Variants in ASIC2 observed in about 807,000 individuals in gnomAD.
ASIC2 encodes the protein acid-sensing ion channel 2.
In ASIC2, 25 loss-of-function variants were observed where a neutral mutation model predicts 57.3. The ratio of observed to expected loss-of-function variants is 0.44; its 90% confidence interval spans 0.32 to 0.61. The LOEUF (loss-of-function observed/expected upper bound fraction) is 0.61, where lower values mean the gene tolerates loss of function less well. Ranked by LOEUF, ASIC2 falls within the 20% of genes least tolerant of loss-of-function variation. The probability of loss-of-function intolerance (pLI) is 0.06; values close to 1 mark genes in which losing one functional copy is unlikely to be tolerated. For synonymous variants in ASIC2, 319 were observed against 307.5 expected (o/e 1.04, Z -0.39); for missense variants, 641 against 738.1 (o/e 0.87, Z 1.52).
chr17:33,560,404 A>C (rs1916037576), intron 1 of ASIC2, among the ~76,000 whole-genome samples: 1 of 152,248 alleles, frequency 6.6e-6, no homozygotes, highest in Non-Finnish European at 1.5e-5. Context: ...GGGAGGCCCC[A>C]AAGGACTTAT....
chr17:33,850,015 G>T lies in ASIC2; in HGVS notation c.555+305963C>A, dbSNP rs78092660. Among the ~76,000 whole-genome samples the T allele has an allele frequency of 4.6e-5, 7 of 152,178 alleles. No individual in the cohort carries two copies. In the South Asian group the frequency reaches 6.2e-4, roughly 14 times the overall value. Reference sequence around the variant, plus strand: ...ATTTTTTGAATTCTGCTATGTTAAAGGTATGTTGTTTCTTAAGAGGGGGAA... The same window carrying T: ...ATTTTTTGAATTCTGCTATGTTAAATGTATGTTGTTTCTTAAGAGGGGGAA... On this transcript the variant is annotated intron_variant, in intron 1 of 9. Transcript: ENST00000359872.
chr17:33,017,571 C>T (rs748608434), intron 8 of ASIC2, 34 bp downstream of exon 8: 29 of 1,572,570 alleles, frequency 1.8e-5, no homozygotes, highest in African/African-American at 2.7e-5. Flanking sequence ...CACCAGCATG[C>T]GGTCATTTCC....
intron 1 of ASIC2, among the ~76,000 whole-genome samples, chr17:33,543,302 C>CAAAAACAA (rs1555542492): frequency 2.4e-5 from 3 of 127,410 alleles, no homozygotes; most frequent in African/African-American, 8.4e-5. Context: ...AAAACAAAAA[C>CAAAAACAA]AAAAAAAACA....
rs1904654777 is a variant in ASIC2, at chr17:33,586,844, CTTT to C, written c.556-474780_556-474778del. Reference sequence around the variant, plus strand: ...ATTTACCACGATCTGCAATTATCTTCTTTATTTTCTCATTTGTTCATTATACAC... The same window carrying C: ...ATTTACCACGATCTGCAATTATCTTCATTTTCTCATTTGTTCATTATACAC... On this transcript the variant is annotated intron_variant, in intron 1 of 9. Transcript: ENST00000359872. Among the ~76,000 whole-genome samples, 4 of 152,284 alleles carry C rather than the reference CTTT, an allele frequency of 2.6e-5. No homozygotes were observed. The South Asian group carries it at 8.3e-4, about 32-fold the overall frequency.
intron 1 of ASIC2, among the ~76,000 whole-genome samples, chr17:33,446,550 T>G (rs2347155): frequency 0.35 from 52,951 of 151,946 alleles, 9,298 homozygotes; most frequent in Middle Eastern, 0.43. Context: ...CTCAGTGCGA[T>G]AGGTTTCAAT....
chr17:33,434,421 C>G (rs9894658), intron 1 of ASIC2, among the ~76,000 whole-genome samples: 52,994 of 151,898 alleles, frequency 0.35, 9,316 homozygotes, highest in Middle Eastern at 0.44. Flanking sequence ...GGTAAAATTA[C>G]TGCACTTTAA....
At chr17:33,668,136 C>G (rs1437150165) in intron 1 of ASIC2, among the ~76,000 whole-genome samples, 1 of 152,164 alleles carries the variant, frequency 6.6e-6, no homozygotes, top group East Asian at 1.9e-4. Flanking sequence ...CCTGTGCCTG[C>G]CCACATACCT....
intron 3 of ASIC2, among the ~76,000 whole-genome samples, chr17:33,072,157 C>T (rs1179655353): frequency 1.2e-4 from 19 of 152,146 alleles, no homozygotes. Flanking sequence ...CTGGGCTCAA[C>T]CTGGGTCCCC....
chr17:33,455,268 T>C (rs1328453535), intron 1 of ASIC2, among the ~76,000 whole-genome samples: 3 of 152,216 alleles, frequency 2.0e-5, no homozygotes, highest in Non-Finnish European at 4.4e-5. Context: ...ATGCTGAAAT[T>C]TGGGGTGTGA....
At chr17:33,316,596 G>A (rs1431743755) in intron 1 of ASIC2, among the ~76,000 whole-genome samples, 1 of 152,146 alleles carries the variant, frequency 6.6e-6, no homozygotes, top group Non-Finnish European at 1.5e-5. Context: ...CCATCTTCAT[G>A]TTTTAAGAAA....
chr17:34,005,041 A>C (rs944741227), intron 1 of ASIC2: 14 of 152,176 alleles, frequency 9.2e-5, no homozygotes, highest in African/African-American at 2.7e-4. Flanking sequence ...GCTATGCATT[A>C]GGTGCTCAGC....
chr17:33,137,065 A>G (rs1053541686), intron 1 of ASIC2, among the ~76,000 whole-genome samples: 6 of 152,158 alleles, frequency 3.9e-5, no homozygotes, highest in African/African-American at 1.4e-4. Context: ...CGTAGCTAAC[A>G]TTTCTAACAG....
chr17:33,562,932 T>G (rs1395491576), intron 1 of ASIC2, among the ~76,000 whole-genome samples: 1 of 152,164 alleles, frequency 6.6e-6, no homozygotes, highest in African/African-American at 2.4e-5. Flanking sequence ...CCTTAGTATT[T>G]AGGCAACTTC....
At chr17:33,970,695 G>A (rs1381171273) in intron 1 of ASIC2, among the ~76,000 whole-genome samples, 1 of 152,210 alleles carries the variant, frequency 6.6e-6, no homozygotes, top group Non-Finnish European at 1.5e-5. Flanking sequence ...AGAGTTGTAA[G>A]CACTCATTGA....
chr17:33,528,369 C>T (rs1455906117), intron 1 of ASIC2, among the ~76,000 whole-genome samples: 1 of 152,152 alleles, frequency 6.6e-6, no homozygotes, highest in Admixed American at 6.5e-5. Flanking sequence ...CCAGCCAGAG[C>T]ACCAACAACC....
intron 1 of ASIC2, among the ~76,000 whole-genome samples, chr17:33,449,171 A>T (rs1188890196): frequency 6.6e-6 from 1 of 152,198 alleles, no homozygotes; most frequent in Non-Finnish European, 1.5e-5. Context: ...TAACAGGGAA[A>T]CTATCACTGT....
In ASIC2 at chr17:33,132,539, A is replaced by T. The variant is rs151117460; in HGVS notation, c.709-20472T>A. ...TAGGCATTCAGGGCATTTTATGTGAACCAAGCACAGAGCACACACACACAG... is the reference window on the plus strand; with the variant it reads ...TAGGCATTCAGGGCATTTTATGTGATCCAAGCACAGAGCACACACACACAG... On this transcript the variant is annotated intron_variant, in intron 1 of 9. Coordinates refer to ENST00000225823, the MANE Select transcript of ASIC2 (RefSeq NM_183377.2). Among the ~76,000 whole-genome samples, 404 of 152,278 alleles carry T rather than the reference A, an allele frequency of 2.7e-3. 1 individual carries two copies. The highest frequency in any genetic ancestry group is 9.3e-3 in the African/African-American group (387 of 41,544).
At chr17:33,064,020 T>C (rs2092031641) in intron 3 of ASIC2, among the ~76,000 whole-genome samples, 1 of 152,240 alleles carries the variant, frequency 6.6e-6, no homozygotes, top group African/African-American at 2.4e-5. Flanking sequence ...TCAGGTCCTT[T>C]AAGGACTTCT....
chr17:34,045,054 G>A (rs147785199), intron 1 of ASIC2, among the ~76,000 whole-genome samples: 54 of 152,274 alleles, frequency 3.5e-4, no homozygotes, highest in African/African-American at 1.1e-3. Flanking sequence ...ATAGAGGGAC[G>A]TGCTTAATGA....
Sources: allele counts gnomAD v4.1 joint callset (sites outside exome capture counted in the v4.1 genomes callset), GRCh38; gene constraint gnomAD v4.1.1; transcripts MANE v1.5; gene names NCBI Gene and HGNC (gene_info 2026-07-23, HGNC 2026-07-21).